ALOX5AP: variants seen among roughly 807,000 people sequenced by gnomAD.
ALOX5AP encodes the protein arachidonate 5-lipoxygenase activating protein, also known as arachidonate 5-lipoxygenase-activating protein.
ALOX5AP carries 9 observed loss-of-function variants against 18.5 expected under a neutral mutation model. The ratio of observed to expected loss-of-function variants is 0.49; its 90% CI spans 0.29 to 0.85. ALOX5AP has a LOEUF of 0.85. ALOX5AP is among the 40% of genes least tolerant of loss of function. The pLI is 0.08. For missense variants in ALOX5AP, 172 were observed against 202.5 expected, an observed-to-expected ratio of 0.85 and a Z score of 0.91; for synonymous variants, 81 against 78.6, an observed-to-expected ratio of 1.03 and a Z score of -0.16.
At chr13:30,744,687 C>A (rs1274018880) in intron 2 of ALOX5AP, among the ~76,000 whole-genome samples, 1 of 152,232 alleles carries the variant, frequency 6.6e-6, no homozygotes, top group Non-Finnish European at 1.5e-5. Context: ...TGCTTTCCCC[C>A]TCTCTCATTC....
intron 4 of ALOX5AP, 51 bp from the exon 5 acceptor site, chr13:30,763,893 A>G (rs1157387196): frequency 1.3e-6 from 2 of 1,545,258 alleles, no homozygotes; most frequent in Admixed American, 1.8e-5. Context: ...TGTGTGTGAA[A>G]TTGGTGTCAT....
intron 2 of ALOX5AP, among the ~76,000 whole-genome samples, chr13:30,749,568 A>G (rs1294687681): frequency 6.6e-6 from 1 of 152,196 alleles, no homozygotes; most frequent in African/African-American, 2.4e-5. Flanking sequence ...AGCTGCTGCA[A>G]TTGTTACTTG....
At chr13:30,753,106 G>T (rs1040202258) in intron 3 of ALOX5AP, among the ~76,000 whole-genome samples, 1 of 152,214 alleles carries the variant, frequency 6.6e-6, no homozygotes, top group Non-Finnish European at 1.5e-5. Flanking sequence ...TGAGGCACAG[G>T]CCAGCTGGCA....
intron 2 of ALOX5AP, among the ~76,000 whole-genome samples, chr13:30,750,219 CACATGG>C (rs968331163): frequency 1.6e-4 from 24 of 152,142 alleles, no homozygotes; most frequent in South Asian, 8.3e-4. Context: ...TGTGAGAATT[CACATGG>C]ACCTCAGAAT....
chr13:30,724,137 T>A (rs1951617551), intron 1 of ALOX5AP, among the ~76,000 whole-genome samples: 1 of 152,192 alleles, frequency 6.6e-6, no homozygotes, highest in South Asian at 2.1e-4. Flanking sequence ...ATCTGCTTTC[T>A]GTTGCTATAA....
chr13:30,730,018 T>C (rs1593430476), intron 1 of ALOX5AP, among the ~76,000 whole-genome samples: 2 of 152,260 alleles, frequency 1.3e-5, no homozygotes, highest in South Asian at 4.1e-4. Flanking sequence ...TTGCGGATAC[T>C]ACACTGGCTT....
At chr13:30,714,406 T>C (rs1367012158) in intron 1 of ALOX5AP, among the ~76,000 whole-genome samples, 5 of 152,010 alleles carry the variant, frequency 3.3e-5, no homozygotes, top group African/African-American at 4.8e-5. Context: ...GAGGGAGACC[T>C]GACGGGTCGA....
chr13:30,743,113 C>G (rs985741174), intron 1 of ALOX5AP, among the ~76,000 whole-genome samples: 2 of 152,032 alleles, frequency 1.3e-5, no homozygotes, highest in African/African-American at 4.8e-5. Flanking sequence ...CTTCACACGG[C>G]TCTCAGCAAG....
chr13:30,761,620 G>A (rs1350837041), intron 4 of ALOX5AP, among the ~76,000 whole-genome samples: 2 of 152,176 alleles, frequency 1.3e-5, no homozygotes, highest in Non-Finnish European at 2.9e-5. Flanking sequence ...AGCCTGGGGG[G>A]CTCAAACCAC....
intron 1 of ALOX5AP, among the ~76,000 whole-genome samples, chr13:30,719,420 G>C (rs965634445): frequency 6.6e-6 from 1 of 152,186 alleles, no homozygotes; most frequent in Non-Finnish European, 1.5e-5. Flanking sequence ...TCAAAGGGAT[G>C]TCATAAAGAT....
upstream of ALOX5AP, among the ~76,000 whole-genome samples, chr13:30,732,774 T>TGA (rs551288274): frequency 1.9e-4 from 28 of 151,142 alleles, no homozygotes; most frequent in South Asian, 2.1e-4. Flanking sequence ...TAAGAGAAGC[T>TGA]GAGAGAGAGC....
Position 30,735,703 on chromosome 13 carries a change from A to G in ALOX5AP, c.70+28A>G, listed in dbSNP as rs114001301. 5.4e-4 allele frequency: 865 copies of G among 1,611,886 alleles called. 5 individuals carry two copies. In the African/African-American group the frequency reaches 9.9e-3, roughly 18 times the overall value. The stretch of plus-strand genomic sequence containing the variant: ...AAGGAAAGCCCTTCACTCAGGGAAG[A>G]ACAGAAGGGGAGATTTTCTTTGATG... On this transcript the variant is annotated intron_variant, in intron 1 of 4. Coordinates refer to ENST00000380490, the MANE Select transcript of ALOX5AP (RefSeq NM_001629.4).
intron 1 of ALOX5AP, chr13:30,742,292 G>A (rs1951772778): frequency 6.6e-6 from 1 of 152,122 alleles, no homozygotes; most frequent in Non-Finnish European, 1.5e-5. Context: ...CTCCAGCCTG[G>A]GCAACAGAGT....
intron 4 of ALOX5AP, among the ~76,000 whole-genome samples, chr13:30,762,877 C>A (rs2137835522): frequency 6.6e-6 from 1 of 152,224 alleles, no homozygotes; most frequent in East Asian, 1.9e-4. Context: ...GATGGGCCAG[C>A]CATGGAGGCA....
At chr13:30,726,764 TC>T (rs1951642476) in intron 1 of ALOX5AP, among the ~76,000 whole-genome samples, 1 of 152,126 alleles carries the variant, frequency 6.6e-6, no homozygotes, top group Non-Finnish European at 1.5e-5. Context: ...ACTCCTGGGC[TC>T]AACTGATTCT....
At chr13:30,761,616 G>C (rs17238962) in intron 4 of ALOX5AP, among the ~76,000 whole-genome samples, 4 of 152,098 alleles carry the variant, frequency 2.6e-5, no homozygotes, top group African/African-American at 7.2e-5. Context: ...CTGCAGCCTG[G>C]GGGGCTCAAA....
intron 2 of ALOX5AP, among the ~76,000 whole-genome samples, chr13:30,745,103 G>C (rs1951798998): frequency 6.6e-6 from 1 of 152,194 alleles, no homozygotes; most frequent in Non-Finnish European, 1.5e-5. Context: ...TGGGAGGGAG[G>C]GTCCCCTTCA....
At chr13:30,748,075 T>A (rs903143696) in intron 2 of ALOX5AP, among the ~76,000 whole-genome samples, 25 of 152,028 alleles carry the variant, frequency 1.6e-4, no homozygotes, top group African/African-American at 5.6e-4. Flanking sequence ...TGCACCACCA[T>A]GTCCGGCTAA....
intron 1 of ALOX5AP, chr13:30,713,963 G>A: frequency 1.9e-6 from 2 of 1,080,326 alleles, no homozygotes; most frequent in Non-Finnish European, 2.6e-6. Context: ...CCCAGAAGCA[G>A]TATTGGGCAG....
Sources: gnomAD v4.1 joint callset for allele counts (sites outside exome capture counted in the v4.1 genomes callset) on GRCh38, gnomAD v4.1.1 for gene constraint, MANE v1.5 for transcripts, NCBI Gene and HGNC (gene_info 2026-07-23, HGNC 2026-07-21) for gene names.